The following ABCB5 variants were observed in gnomAD, a reference collection of about 807,000 sequenced individuals.
ABCB5 encodes the protein ATP-binding cassette sub-family B member 5.
ABCB5 carries 155 observed loss-of-function variants against 144.2 expected under a neutral mutation model. The ratio of observed to expected loss-of-function variants is 1.08; its 90% confidence interval spans 0.94 to 1.23. ABCB5 has a LOEUF of 1.23. ABCB5 is among the 50% of genes most tolerant of loss of function. The pLI is 0.00. For missense variants in ABCB5, 1,830 were observed against 1,520.8 expected (o/e 1.20, Z -3.38); for synonymous variants, 610 against 528.6 (o/e 1.15, Z -2.11).
At chr7:20,681,814 T>C (rs1295358313) in intron 15 of ABCB5, 148 bp downstream of exon 15, 2 of 888,168 alleles carry the variant, frequency 2.3e-6, no homozygotes, top group African/African-American at 3.4e-5. Flanking sequence ...ATGGAGTGTT[T>C]CAAATCCTCA....
chr7:20,711,042 A>G (rs1334851476), intron 20 of ABCB5, among the ~76,000 whole-genome samples: 1 of 149,982 alleles, frequency 6.7e-6, no homozygotes, highest in Non-Finnish European at 1.5e-5. Flanking sequence ...GTCAACTTAC[A>G]GCGTAAGAAA....
intron 20 of ABCB5, among the ~76,000 whole-genome samples, chr7:20,715,393 T>G (rs1781638600): frequency 6.6e-6 from 1 of 151,940 alleles, no homozygotes; most frequent in African/African-American, 2.4e-5. Context: ...AGAGCTGGAA[T>G]GCGTGGTGTA....
chr7:20,705,893 GT>G (rs1340726272), intron 20 of ABCB5, among the ~76,000 whole-genome samples: 1 of 151,956 alleles, frequency 6.6e-6, no homozygotes, highest in Non-Finnish European at 1.5e-5. Context: ...GAATAAGTGG[GT>G]TACAGTTGTG....
chr7:20,626,967 C>T (rs555269533), intron 3 of ABCB5, among the ~76,000 whole-genome samples: 5 of 150,662 alleles, frequency 3.3e-5, no homozygotes, highest in Admixed American at 3.3e-4. Flanking sequence ...TCTATGTTTA[C>T]ATTTCAGTAT....
chr7:20,729,266 A>G (rs1221338217), intron 23 of ABCB5, among the ~76,000 whole-genome samples: 1 of 152,218 alleles, frequency 6.6e-6, no homozygotes, highest in African/African-American at 2.4e-5. Flanking sequence ...TTACTGGAAC[A>G]TGGGAATGTG....
intron 19 of ABCB5, among the ~76,000 whole-genome samples, chr7:20,704,430 T>A (rs1786748018): frequency 6.6e-6 from 1 of 152,194 alleles, no homozygotes; most frequent in Non-Finnish European, 1.5e-5. Context: ...GGAATAAAAT[T>A]ACAAATCACT....
intron 13 of ABCB5, among the ~76,000 whole-genome samples, chr7:20,652,349 C>T (rs569800052): frequency 1.1e-4 from 16 of 152,280 alleles, no homozygotes; most frequent in Non-Finnish European, 1.6e-4. Flanking sequence ...GGGCAGATCA[C>T]CTGAGGTTAG....
chr7:20,737,312 A>G (rs1174704028), intron 23 of ABCB5, among the ~76,000 whole-genome samples: 1 of 152,052 alleles, frequency 6.6e-6, no homozygotes, highest in Non-Finnish European at 1.5e-5. Flanking sequence ...CTCACTCATT[A>G]AAGACGGTAT....
At chr7:20,643,736 C>A in intron 7 of ABCB5, 104 bp downstream of exon 7, 2 of 1,247,414 alleles carry the variant, frequency 1.6e-6, no homozygotes, top group Non-Finnish European at 2.2e-6. Context: ...TGCCATGTCC[C>A]AAACTACAAA....
In ABCB5 at chr7:20,728,422, A is replaced by G. The variant is rs767233104; in HGVS notation, c.2834A>G (p.Gln945Arg). ...TTTCGATTTGGAGCCTATTTAATTCAAGCTGGACGAATGACCCCAGAGGGC... is the reference window on the plus strand; with the variant it reads ...TTTCGATTTGGAGCCTATTTAATTCGAGCTGGACGAATGACCCCAGAGGGC... The part of the protein sequence containing the change: ...AGFRFGAYLI[Q>R]AGRMTPEGMF... Residue 945 changes from glutamine (Q) to arginine (R), a missense_variant, in exon 23 of 28, where the codon CAA (glutamine) becomes CGA (arginine). Physicochemically the swap from Gln to Arg is conservative, Grantham distance 43 (BLOSUM62 1). Coordinates refer to ENST00000404938, the MANE Select transcript of ABCB5 (RefSeq NM_001163941.2). 1.2e-6 allele frequency: 2 copies of G among 1,614,144 alleles called. No individual in the cohort carries two copies. The highest frequency in any genetic ancestry group is 4.5e-5 in the East Asian group (2 of 44,876).
intron 1 of ABCB5, among the ~76,000 whole-genome samples, chr7:20,618,618 T>C (rs1783737947): frequency 6.6e-6 from 1 of 152,132 alleles, no homozygotes; most frequent in Admixed American, 6.6e-5. Flanking sequence ...TTTATGTCCA[T>C]GTGGACCCAA....
In ABCB5 at chr7:20,736,710, G is replaced by A. The variant is rs111313100; in HGVS notation, c.2868-2273G>A. 7.2e-3 allele frequency among the ~76,000 whole-genome samples: 1,103 copies of A among 152,258 alleles called. 22 individuals carry two copies. The highest frequency in any genetic ancestry group is 0.036 in the Admixed American group (551 of 15,290). ...GAAGGATATGGTTTAACTATGTTAC[G>A]GAGTTACAGCACGGGTTATTCTACA... On this transcript the variant is annotated intron_variant, in intron 23 of 27. Coordinates refer to ENST00000404938, the MANE Select transcript of ABCB5 (RefSeq NM_001163941.2).
chr7:20,739,264 T>C, intron 24 of ABCB5, 125 bp downstream of exon 24: 3 of 933,488 alleles, frequency 3.2e-6, no homozygotes, highest in Non-Finnish European at 4.4e-6. Context: ...CTATACTCAG[T>C]ACCTGTGTGA....
chr7:20,640,816 T>C (rs1784280428), intron 5 of ABCB5, among the ~76,000 whole-genome samples: 1 of 152,172 alleles, frequency 6.6e-6, no homozygotes, highest in South Asian at 2.1e-4. Flanking sequence ...TCAATTGTAT[T>C]TTCCTCTCCC....
intron 16 of ABCB5, among the ~76,000 whole-genome samples, chr7:20,693,428 A>G (rs982762391): frequency 6.6e-6 from 1 of 152,182 alleles, no homozygotes; most frequent in Admixed American, 6.6e-5. Flanking sequence ...GAATAAAGTC[A>G]GAAGTCAATA....
chr7:20,630,606 C>A (rs1304463331), intron 4 of ABCB5, among the ~76,000 whole-genome samples: 1 of 152,066 alleles, frequency 6.6e-6, no homozygotes, highest in African/African-American at 2.4e-5. Flanking sequence ...TAAATTGATG[C>A]ATATGCTAAA....
intron 14 of ABCB5, chr7:20,659,837 C>A (rs1784942217): frequency 2.2e-6 from 2 of 910,924 alleles, no homozygotes; most frequent in Non-Finnish European, 2.6e-6. Flanking sequence ...GCGTGCATCA[C>A]CACACCCAGC....
Position 20,646,118 on chromosome 7 carries a change from A to C in ABCB5, c.961A>C (p.Thr321Pro), listed in dbSNP as rs556620642. 13 of 1,613,218 alleles carry C rather than the reference A, an allele frequency of 8.1e-6. No individual in the cohort carries two copies. The highest frequency in any genetic ancestry group is 8.0e-5 in the African/African-American group (6 of 74,908). ...GATTCTTAATGGAGAACCTGGATAT[A>C]CCATCGGGACTGTTCTTGCTGTAAG... ...SLILNGEPGYTIGTVLAVFFS... is the reference protein window; with the variant it reads ...SLILNGEPGYPIGTVLAVFFS... The change falls in exon 9 of 28, where the codon ACC becomes CCC. Residue 321 changes from threonine (T) to proline (P), a missense_variant. Transcript: ENST00000404938.
At chr7:20,620,453 G>A (rs1373702373) in intron 1 of ABCB5, among the ~76,000 whole-genome samples, 2 of 151,896 alleles carry the variant, frequency 1.3e-5, no homozygotes. Flanking sequence ...TACCCAGAGA[G>A]AAGAAAGACA....
Sources: gnomAD v4.1 joint callset for allele counts (sites outside exome capture counted in the v4.1 genomes callset) on GRCh38, gnomAD v4.1.1 for gene constraint, MANE v1.5 for transcripts, NCBI Gene and HGNC (gene_info 2026-07-23, HGNC 2026-07-21) for gene names.